The following FAM200B variants were observed in gnomAD, a reference collection of about 807,000 sequenced individuals.
FAM200B encodes protein FAM200B.
In FAM200B, 32 loss-of-function variants were observed where a neutral mutation model predicts 33.1. The ratio of observed to expected loss-of-function variants is 0.97; its 90% CI spans 0.73 to 1.30. The LOEUF is 1.30. FAM200B is among the 50% of genes most tolerant of loss of function. The pLI is 0.00. For synonymous variants in FAM200B, 240 were observed against 264.8 expected, an observed-to-expected ratio of 0.91 and a Z score of 0.91; for missense variants, 741 against 754.0, an observed-to-expected ratio of 0.98 and a Z score of 0.20.
At chr4:15,653,273 G>C in the FAM200B span, among the ~76,000 whole-genome samples, 1 of 152,096 alleles carries the variant, frequency 6.6e-6, no homozygotes, top group South Asian at 2.1e-4. Context: ...AACTAGTTAT[G>C]CAAGTGGGAA....
At chr4:15,681,041 G>C (rs1431496125), upstream of FAM200B, among the ~76,000 whole-genome samples, 1 of 151,328 alleles carries the variant, frequency 6.6e-6, no homozygotes, top group Non-Finnish European at 1.5e-5. Context: ...AACCTATCTT[G>C]TTAATGATCA....
chr4:15,651,590 G>C, the FAM200B span, among the ~76,000 whole-genome samples: 1 of 152,096 alleles, frequency 6.6e-6, no homozygotes, highest in Non-Finnish European at 1.5e-5. Flanking sequence ...ATGGCGGAGG[G>C]GGGAAGGAAA....
chr4:15,647,771 T>C, the FAM200B span, among the ~76,000 whole-genome samples: 273 of 152,356 alleles, frequency 1.8e-3, no homozygotes, highest in African/African-American at 6.3e-3. Context: ...AAATCCATTC[T>C]ACCAGCAAGT....
chr4:15,678,987 T>C (rs1469281727), upstream of FAM200B, among the ~76,000 whole-genome samples: 1 of 152,036 alleles, frequency 6.6e-6, no homozygotes, highest in Admixed American at 6.6e-5. Context: ...ACAAACTACA[T>C]TGATAATAGT....
upstream of FAM200B, among the ~76,000 whole-genome samples, chr4:15,679,108 G>C (rs902702366): frequency 8.2e-5 from 12 of 146,858 alleles, no homozygotes; most frequent in Admixed American, 8.2e-4. Flanking sequence ...CTCTCACCAG[G>C]CTGGAGTGCA....
At chr4:15,638,736 G>A in the FAM200B span, 44 of 1,273,170 alleles carry the variant, frequency 3.5e-5, no homozygotes, top group African/African-American at 1.2e-4. Context: ...TGCTTCATTC[G>A]TGTTGATTTA....
chr4:15,655,490 C>T, the FAM200B span: 2 of 658,168 alleles, frequency 3.0e-6, no homozygotes, highest in Non-Finnish European at 3.8e-6. Context: ...CGGGCGCGCG[C>T]AGAGGCTCGC....
chr4:15,664,379 T>G, the FAM200B span, among the ~76,000 whole-genome samples: 1 of 151,984 alleles, frequency 6.6e-6, no homozygotes, highest in Non-Finnish European at 1.5e-5. Flanking sequence ...CTAATGACTC[T>G]CCCTCAGTTA....
rs577494358 is a variant in FAM200B at position 15,689,776 on chromosome 4, C to T, written c.*825C>T. 1.8e-5 allele frequency: 3 copies of T among 165,290 alleles called. No individual in the cohort carries two copies. Among genetic ancestry groups the T allele is most frequent in the African/African-American group, 7.2e-5 (3 of 41,520 alleles). 10.2% of individuals were successfully genotyped at this position (165,290 alleles called of 1,614,324 possible). On this transcript the variant is annotated 3_prime_UTR_variant, in exon 2 of 2. Transcript: ENST00000422728. ...TGAGCAACAGAGTGAAACCCTGTCT[C>T]GAGAAAATTAAATGTTACTTCCCTA...
At chr4:15,682,266 A>G (rs1185239209) in intron 1 of FAM200B, among the ~76,000 whole-genome samples, 1 of 152,240 alleles carries the variant, frequency 6.6e-6, no homozygotes, top group Admixed American at 6.5e-5. Context: ...GGGAAATGCA[A>G]GAGGTGGAAG....
the FAM200B span, among the ~76,000 whole-genome samples, chr4:15,638,133 C>G: frequency 6.6e-6 from 1 of 152,170 alleles, no homozygotes; most frequent in East Asian, 1.9e-4. Flanking sequence ...GTCAATAAAG[C>G]TCAGGAAGCA....
the FAM200B span, among the ~76,000 whole-genome samples, chr4:15,654,900 T>C: frequency 6.6e-6 from 1 of 151,916 alleles, no homozygotes; most frequent in African/African-American, 2.4e-5. Context: ...AGCGCGGCGG[T>C]GGGGCCGGCC....
At chr4:15,649,668 T>C in the FAM200B span, among the ~76,000 whole-genome samples, 8 of 152,012 alleles carry the variant, frequency 5.3e-5, no homozygotes, top group Non-Finnish European at 8.8e-5. Flanking sequence ...TAAATAGTTT[T>C]TAAAATTGTT....
chr4:15,677,267 TA>T, upstream of FAM200B, among the ~76,000 whole-genome samples: 1 of 152,326 alleles, frequency 6.6e-6, no homozygotes, highest in African/African-American at 2.4e-5. Flanking sequence ...TGTGGTATAA[TA>T]AAAAATATAT....
the FAM200B span, among the ~76,000 whole-genome samples, chr4:15,670,914 CTTTTTTT>C: frequency 7.4e-5 from 4 of 54,142 alleles, no homozygotes; most frequent in Non-Finnish European, 9.4e-5. Context: ...TGTGCGTAGA[CTTTTTTT>C]TTTTTTTTTT....
chr4:15,651,632 T>TA, the FAM200B span, among the ~76,000 whole-genome samples: 3 of 152,130 alleles, frequency 2.0e-5, no homozygotes, highest in Non-Finnish European at 4.4e-5. Flanking sequence ...ACTCATTTTT[T>TA]AAAAAAGGAT....
rs1309550537 is a variant in FAM200B at position 15,686,969 on chromosome 4, G to A, written c.-9G>A. On this transcript the variant is annotated 5_prime_UTR_variant, in exon 2 of 2. Coordinates refer to ENST00000422728, the MANE Select transcript of FAM200B (RefSeq NM_001145191.2). ...CATTTTAATCAAACTGGAACAAATT[G>A]CTATTAAAATGGATCATTTCTTTAT... 2.3e-6 allele frequency: 3 copies of A among 1,296,584 alleles called. No individual in the cohort carries two copies. Among genetic ancestry groups the A allele is most frequent in the Non-Finnish European group, 3.1e-6 (3 of 975,120 alleles). The allele number at this position is 1,296,584 out of a possible 1,614,324, so 80.3% of individuals were successfully genotyped here. A position where few individuals can be genotyped will look rare whatever the true frequency, so the allele number is the denominator to read the frequency against.
the FAM200B span, among the ~76,000 whole-genome samples, chr4:15,652,518 G>A: frequency 6.6e-6 from 1 of 152,068 alleles, no homozygotes; most frequent in Middle Eastern, 3.2e-3. Flanking sequence ...GAAATCCATG[G>A]GCAAAGTATT....
chr4:15,637,290 A>G, the FAM200B span, among the ~76,000 whole-genome samples: 1 of 152,220 alleles, frequency 6.6e-6, no homozygotes, highest in Non-Finnish European at 1.5e-5. Flanking sequence ...TCACATTGAT[A>G]ATGAAACTTT....
Sources: allele counts gnomAD v4.1 joint callset (sites outside exome capture counted in the v4.1 genomes callset), GRCh38; gene constraint gnomAD v4.1.1; transcripts MANE v1.5; gene names NCBI Gene and HGNC (gene_info 2026-07-23, HGNC 2026-07-21).